Variants in ZNF69 observed in about 807,000 individuals in gnomAD.
The protein encoded by ZNF69 is zinc finger protein 69, also known as ZNF3.
ZNF69 carries 47 observed loss-of-function variants against 50.9 expected under a neutral mutation model. That is an observed-to-expected ratio of 0.92 (90% CI 0.73 to 1.18). The LOEUF (loss-of-function observed/expected upper bound fraction) is 1.18, where lower values mean the gene tolerates loss of function less well. Ranked by LOEUF, ZNF69 falls within the 50% of genes most tolerant of loss-of-function variation. The pLI is 0.00. For missense variants in ZNF69, 717 were observed against 675.1 expected, an observed-to-expected ratio of 1.06 and a Z score of -0.69; for synonymous variants, 216 against 223.1, an observed-to-expected ratio of 0.97 and a Z score of 0.29.
chr19:11,892,588 A>G (rs1003205632), intron 1 of ZNF69, among the ~76,000 whole-genome samples: 4 of 152,082 alleles, frequency 2.6e-5, no homozygotes, highest in African/African-American at 9.7e-5. Flanking sequence ...GTGAGATGCC[A>G]TCTCAATTGT....
At chr19:11,975,386 AT>A in the ZNF69 span, among the ~76,000 whole-genome samples, 5,310 of 132,676 alleles carry the variant, frequency 0.04, 332 homozygotes, top group African/African-American at 0.14. Context: ...GATGTTATTG[AT>A]TTTTTTTTTT....
At chr19:11,965,913 C>G in the ZNF69 span, among the ~76,000 whole-genome samples, 1 of 151,890 alleles carries the variant, frequency 6.6e-6, no homozygotes, top group African/African-American at 2.4e-5. Context: ...AGGGCGGGAC[C>G]TGTGGAAGGG....
At chr19:11,963,271 G>T in the ZNF69 span, among the ~76,000 whole-genome samples, 5 of 152,108 alleles carry the variant, frequency 3.3e-5, no homozygotes, top group Non-Finnish European at 5.9e-5. Context: ...AAACAAAGAT[G>T]TATGGAGTTG....
chr19:11,949,902 G>A, the ZNF69 span: 97 of 1,613,860 alleles, frequency 6.0e-5, no homozygotes, highest in East Asian at 2.1e-3. Context: ...AGCAATGTGG[G>A]AAAGCCTTCA....
At chr19:11,930,597 T>C in the ZNF69 span, among the ~76,000 whole-genome samples, 2 of 148,744 alleles carry the variant, frequency 1.3e-5, 1 homozygote, top group African/African-American at 5.2e-5. Context: ...AGGTAGTGGA[T>C]TGATTATTCT....
the ZNF69 span, among the ~76,000 whole-genome samples, chr19:11,937,092 A>G: frequency 2.6e-5 from 4 of 152,066 alleles, no homozygotes; most frequent in South Asian, 2.1e-4. Context: ...TTGAAGTCCA[A>G]TTTATCGATT....
chr19:11,951,315 G>A, the ZNF69 span, among the ~76,000 whole-genome samples: 9 of 141,096 alleles, frequency 6.4e-5, no homozygotes, highest in East Asian at 1.2e-3. Context: ...TGCCACCTCC[G>A]CCTCCTAGGT....
rs750678370 is a variant in ZNF69, at chr19:11,904,698, G to T, written c.301G>T (p.Gly101Ter). ...VNEIKDDSHC[G>*]ETFTQVPDDR... ...TGAAATTAAAGATGACAGTCATTGT[G>T]GAGAAACTTTTACCCAGGTTCCAGA... The change falls in exon 4 of 4, where the codon GGA (glycine) becomes TGA (stop). Residue 101 changes from glycine (G) to a stop codon, truncating the protein, a stop_gained. Coordinates refer to ENST00000429654, the MANE Select transcript of ZNF69 (RefSeq NM_001364730.1). LOFTEE classifies it high-confidence loss of function. 3.1e-6 allele frequency: 5 copies of T among 1,613,844 alleles called. No homozygotes were observed. Among genetic ancestry groups the T allele is most frequent in the Non-Finnish European group, 4.2e-6 (5 of 1,179,834 alleles).
At chr19:11,925,102 G>C in the ZNF69 span, 8 of 1,318,916 alleles carry the variant, frequency 6.1e-6, no homozygotes, top group African/African-American at 1.0e-4. Flanking sequence ...GGAGGGGGTC[G>C]CTTTCCTCAC....
the ZNF69 span, among the ~76,000 whole-genome samples, chr19:11,932,739 G>A: frequency 9.7e-5 from 14 of 143,704 alleles, 2 homozygotes; most frequent in South Asian, 4.3e-4. Flanking sequence ...CCGGGTTCAC[G>A]CCATTCTCCT....
At chr19:11,948,874 G>A in the ZNF69 span, 9 of 1,603,732 alleles carry the variant, frequency 5.6e-6, no homozygotes, top group South Asian at 7.9e-5. Context: ...TAGCAAATGT[G>A]ATAAAGCATT....
chr19:11,979,755 T>C, the ZNF69 span: 2 of 1,589,382 alleles, frequency 1.3e-6, no homozygotes, highest in Non-Finnish European at 1.7e-6. Context: ...GCCCCACACC[T>C]TCGAATCCAT....
chr19:11,976,619 C>A, the ZNF69 span, among the ~76,000 whole-genome samples: 3 of 148,760 alleles, frequency 2.0e-5, no homozygotes, highest in African/African-American at 7.5e-5. Context: ...GTAATTTCAG[C>A]ACTTTGGGAG....
chr19:11,917,789 C>CTTTTTTTTTTT (rs74965943), downstream of ZNF69, among the ~76,000 whole-genome samples: 11 of 110,726 alleles, frequency 9.9e-5, 1 homozygote, highest in African/African-American at 3.1e-4. Context: ...CCACACCCTG[C>CTTTTTTTTTTT]TTTTTTTTTT....
the ZNF69 span, among the ~76,000 whole-genome samples, chr19:11,955,653 AGAAAT>A: frequency 6.6e-6 from 1 of 152,144 alleles, no homozygotes; most frequent in Non-Finnish European, 1.5e-5. Context: ...GCTTGGGAAA[AGAAAT>A]AGGGAAAATC....
At chr19:11,975,171 T>C in the ZNF69 span, among the ~76,000 whole-genome samples, 1 of 151,866 alleles carries the variant, frequency 6.6e-6, no homozygotes, top group African/African-American at 2.4e-5. Flanking sequence ...GAATGTCAGC[T>C]CACCACAACC....
chr19:11,953,626 A>C, the ZNF69 span, among the ~76,000 whole-genome samples: 1 of 152,248 alleles, frequency 6.6e-6, no homozygotes, highest in Non-Finnish European at 1.5e-5. Flanking sequence ...GAATATCATG[A>C]GTATTTCCAA....
downstream of ZNF69, among the ~76,000 whole-genome samples, chr19:11,910,061 C>G (rs1251162541): frequency 6.6e-6 from 1 of 151,636 alleles, no homozygotes; most frequent in Non-Finnish European, 1.5e-5. Context: ...TGAGTGAACT[C>G]CCATTCACAA....
chr19:11,895,293 A>C (rs1401491523), intron 1 of ZNF69, among the ~76,000 whole-genome samples: 2 of 152,280 alleles, frequency 1.3e-5, no homozygotes, highest in East Asian at 3.8e-4. Flanking sequence ...AGATGAGGGC[A>C]GCACAGCTGC....
Sources: gnomAD v4.1 joint callset for allele counts (sites outside exome capture counted in the v4.1 genomes callset) on GRCh38, gnomAD v4.1.1 for gene constraint, MANE v1.5 for transcripts, NCBI Gene and HGNC (gene_info 2026-07-23, HGNC 2026-07-21) for gene names.